DAAM2: variants seen among roughly 807,000 people sequenced by gnomAD.
DAAM2 encodes disheveled-associated activator of morphogenesis 2.
DAAM2 carries 39 observed loss-of-function variants against 120.7 expected under a neutral mutation model. The ratio of observed to expected loss-of-function variants is 0.32; its 90% CI spans 0.25 to 0.42. The LOEUF (loss-of-function observed/expected upper bound fraction) is 0.42. Ranked by LOEUF, DAAM2 falls within the 10% of genes least tolerant of loss-of-function variation. The pLI, the probability that DAAM2 is intolerant of heterozygous loss-of-function variation, is 1.00. For missense variants in DAAM2, 1,283 were observed against 1,401.7 expected (o/e 0.92, Z 1.35); for synonymous variants, 488 against 524.9 (o/e 0.93, Z 0.96).
chr6:39,904,486 A>ATAAG lies in DAAM2; in HGVS notation c.*2451_*2454dup, dbSNP rs1554187208. ...TCCCCACTGCTCCTGCCACCTTTAG[A>ATAAG]TAAGTTTCTCTAGCTAATTTTGTGG... On this transcript the variant is annotated 3_prime_UTR_variant, in exon 25 of 25. Transcript: ENST00000274867. 2.2e-5 allele frequency: 10 copies of ATAAG among 454,486 alleles called. No individual in the cohort carries two copies. The highest frequency in any genetic ancestry group is 7.0e-5 in the Admixed American group (3 of 42,578). 28.2% of individuals were successfully genotyped at this position (454,486 alleles called of 1,614,324 possible). A position where few individuals can be genotyped will look rare whatever the true frequency, so the allele number is the denominator to read the frequency against.
rs1229187121 is a variant in DAAM2 at position 39,827,838 on chromosome 6, G to A, written c.-56-28409G>A. 4.0e-5 allele frequency among the ~76,000 whole-genome samples: 5 copies of A among 125,626 alleles called. No individual in the cohort carries two copies. The East Asian group carries it at 1.2e-3, about 29-fold the overall frequency. The allele number at this position is 125,626 out of a possible 152,430, so 82.4% of individuals were successfully genotyped here. ...ATGTCTGAGCCCTGGAGTACTTCTTGGGTCATCTTGCCAGCTGCCCAAGCT... is the reference window on the plus strand; with the variant it reads ...ATGTCTGAGCCCTGGAGTACTTCTTAGGTCATCTTGCCAGCTGCCCAAGCT... On this transcript the variant is annotated intron_variant, in intron 1 of 24. Coordinates refer to ENST00000274867, the MANE Select transcript of DAAM2 (RefSeq NM_001201427.2).
At chr6:39,808,858 T>G (rs1340800378) in intron 1 of DAAM2, among the ~76,000 whole-genome samples, 2 of 152,356 alleles carry the variant, frequency 1.3e-5, no homozygotes, top group East Asian at 3.9e-4. Context: ...CTCTGCATCC[T>G]GCTTATTTAT....
intron 5 of DAAM2, 159 bp from the exon 6 acceptor site, chr6:39,867,351 T>C (rs1262939659): frequency 4.7e-6 from 3 of 637,596 alleles, no homozygotes; most frequent in Non-Finnish European, 8.2e-6. Context: ...TTTGTGAAGA[T>C]GATAGGATTT....
chr6:39,888,502 AG>A, intron 16 of DAAM2, 176 bp from the exon 17 acceptor site: 1 of 497,838 alleles, frequency 2.0e-6, no homozygotes. Flanking sequence ...CTCATTATCA[AG>A]TTTGTGGACT....
chr6:39,897,386 G>T, intron 21 of DAAM2, 104 bp downstream of exon 21: 5 of 721,550 alleles, frequency 6.9e-6, no homozygotes, highest in Non-Finnish European at 1.2e-5. Flanking sequence ...GCTGGTGTGA[G>T]ACCTCGGTTC....
In DAAM2 at chr6:39,818,138, C is replaced by A. The variant is rs530358465; in HGVS notation, c.-57+25673C>A. ...AGGCTGCAGCGAGCCGAGGTGGCGT[C>A]ACTGCACTCCAGCCTGGGTGACAGA... On this transcript the variant is annotated intron_variant, in intron 1 of 24. Coordinates refer to ENST00000274867, the MANE Select transcript of DAAM2 (RefSeq NM_001201427.2). 9.2e-4 allele frequency among the ~76,000 whole-genome samples: 134 copies of A among 146,158 alleles called. 5 individuals carry two copies. In the South Asian group the frequency reaches 0.025, roughly 27 times the overall value.
At chr6:39,829,805 G>A (rs1457059088) in intron 1 of DAAM2, among the ~76,000 whole-genome samples, 1 of 152,172 alleles carries the variant, frequency 6.6e-6, no homozygotes, top group Non-Finnish European at 1.5e-5. Flanking sequence ...GGGAGGATGG[G>A]AGTTGAAGCT....
At chr6:39,857,098 C>G (rs2149285199) in intron 2 of DAAM2, among the ~76,000 whole-genome samples, 1 of 152,350 alleles carries the variant, frequency 6.6e-6, no homozygotes, top group African/African-American at 2.4e-5. Context: ...TTCAGACTGC[C>G]CTTGTGAGAA....
intron 1 of DAAM2, among the ~76,000 whole-genome samples, chr6:39,831,709 C>T (rs575660786): frequency 5.1e-5 from 7 of 138,372 alleles, no homozygotes; most frequent in Non-Finnish European, 7.7e-5. Context: ...GGGGTAGGCA[C>T]GCTGAGGGAC....
intron 1 of DAAM2, among the ~76,000 whole-genome samples, chr6:39,850,719 A>T (rs1468700490): frequency 6.6e-6 from 1 of 152,208 alleles, no homozygotes; most frequent in African/African-American, 2.4e-5. Context: ...TAAATGAGAT[A>T]ATGCAGAAAA....
intron 2 of DAAM2, among the ~76,000 whole-genome samples, chr6:39,856,965 C>CTCT (rs1764033012): frequency 1.3e-5 from 2 of 152,138 alleles, no homozygotes; most frequent in African/African-American, 4.8e-5. Context: ...CTATGTCATG[C>CTCT]CTGGGGTCCC....
At position 39,873,287 on chromosome 6, in the gene DAAM2, A is replaced by G; in HGVS notation, c.1094A>G (p.Lys365Arg). ...SASQMFELIH[K>R]KLKYTEAYPC... The stretch of plus-strand genomic sequence containing the variant: ...TCCCAGATGTTTGAGTTGATCCACA[A>G]GAAGCTGAAGTACACGGAGGCCTAC... The change falls in exon 10 of 25, where the codon AAG (lysine) becomes AGG (arginine). Residue 365 changes from lysine (K) to arginine (R), a missense_variant. By Grantham distance (26) the Lys-to-Arg change is conservative. Coordinates refer to ENST00000274867, the MANE Select transcript of DAAM2 (RefSeq NM_001201427.2). 1.9e-6 allele frequency: 3 copies of G among 1,613,624 alleles called. No individual in the cohort carries two copies. The highest frequency in any genetic ancestry group is 1.7e-6 in the Non-Finnish European group (2 of 1,179,808).
chr6:39,900,876 AC>A (rs1453185043), intron 23 of DAAM2, among the ~76,000 whole-genome samples: 3 of 151,926 alleles, frequency 2.0e-5, no homozygotes, highest in African/African-American at 7.3e-5. Context: ...AACTCATCTA[AC>A]CCCCCAACAC....
At chr6:39,817,060 A>G (rs1384854569) in intron 1 of DAAM2, among the ~76,000 whole-genome samples, 1 of 152,158 alleles carries the variant, frequency 6.6e-6, no homozygotes, top group African/African-American at 2.4e-5. Context: ...AGCTCTGAAC[A>G]TTTTCTAGGG....
chr6:39,895,231 T>C (rs867807306), intron 19 of DAAM2, among the ~76,000 whole-genome samples: 7 of 121,436 alleles, frequency 5.8e-5, no homozygotes, highest in South Asian at 4.7e-4. Flanking sequence ...TATTTACTTA[T>C]TTATTTATTT....
intron 1 of DAAM2, among the ~76,000 whole-genome samples, chr6:39,839,658 A>G (rs552751114): frequency 3.2e-4 from 48 of 152,316 alleles, no homozygotes; most frequent in African/African-American, 1.2e-3. Flanking sequence ...CCTGAGAGAA[A>G]TGATTCCAAG....
chr6:39,824,082 C>G (rs1053568182), intron 1 of DAAM2, among the ~76,000 whole-genome samples: 4 of 152,182 alleles, frequency 2.6e-5, no homozygotes, highest in African/African-American at 9.7e-5. Flanking sequence ...CTGCAAAGGT[C>G]TTGATAGTAA....
intron 1 of DAAM2, among the ~76,000 whole-genome samples, chr6:39,825,702 C>T (rs2114159351): frequency 6.6e-6 from 1 of 152,240 alleles, no homozygotes; most frequent in Admixed American, 6.5e-5. Flanking sequence ...GTGGGACTGG[C>T]TTTCTGCACC....
chr6:39,815,696 A>C (rs989291085), intron 1 of DAAM2, among the ~76,000 whole-genome samples: 2 of 149,744 alleles, frequency 1.3e-5, no homozygotes, highest in African/African-American at 5.0e-5. Context: ...CGTTTACACA[A>C]GGCTTCATGA....
Sources: allele counts gnomAD v4.1 joint callset (sites outside exome capture counted in the v4.1 genomes callset), GRCh38; gene constraint gnomAD v4.1.1; transcripts MANE v1.5; gene names NCBI Gene and HGNC (gene_info 2026-07-23, HGNC 2026-07-21).